Variants in CEP63 observed in about 807,000 individuals in gnomAD.
CEP63 encodes centrosomal protein of 63 kDa.
A neutral mutation model predicts 89.1 loss-of-function variants in CEP63; 84 were observed. That is an observed-to-expected ratio of 0.94 (90% CI 0.79 to 1.13). CEP63 has a LOEUF of 1.13. CEP63 is among the 50% of genes most tolerant of loss of function. The pLI, the probability that CEP63 is intolerant of heterozygous loss-of-function variation, is 0.00. For synonymous variants in CEP63, 267 were observed against 272.5 expected (o/e 0.98, Z 0.20); for missense variants, 838 against 813.3 (o/e 1.03, Z -0.37).
the CEP63 span, among the ~76,000 whole-genome samples, chr3:134,704,407 G>A: frequency 6.6e-6 from 1 of 151,972 alleles, no homozygotes. Context: ...AGTAGGGGAG[G>A]GAAAGAGGGA....
At chr3:134,599,282 T>C in the CEP63 span, among the ~76,000 whole-genome samples, 1 of 152,218 alleles carries the variant, frequency 6.6e-6, no homozygotes. Context: ...CCTCTTAATA[T>C]GCTGCCGGGT....
chr3:134,568,126 C>T (rs1022850499), downstream of CEP63, among the ~76,000 whole-genome samples: 1 of 152,126 alleles, frequency 6.6e-6, no homozygotes, highest in Non-Finnish European at 1.5e-5. Flanking sequence ...AGTGGCTATC[C>T]CTTTGACAGG....
chr3:134,761,751 C>T, the CEP63 span, among the ~76,000 whole-genome samples: 1 of 151,994 alleles, frequency 6.6e-6, no homozygotes, highest in South Asian at 2.1e-4. Context: ...CTCTCTCTCT[C>T]CCCCCTGAAT....
At chr3:134,620,622 G>A in the CEP63 span, 1 of 670,806 alleles carries the variant, frequency 1.5e-6, no homozygotes, top group South Asian at 1.8e-5. Context: ...CATCAGTCCA[G>A]TCTTCTGGGT....
the CEP63 span, among the ~76,000 whole-genome samples, chr3:134,711,193 G>A: frequency 6.6e-6 from 1 of 152,142 alleles, no homozygotes; most frequent in Non-Finnish European, 1.5e-5. Context: ...ACAGATTACT[G>A]TTCTACAGTT....
chr3:134,595,642 A>G, the CEP63 span, among the ~76,000 whole-genome samples: 19 of 152,260 alleles, frequency 1.2e-4, 1 homozygote, highest in African/African-American at 4.6e-4. Flanking sequence ...CTAAACATCT[A>G]GAGTGCTGGT....
chr3:134,690,007 T>A, the CEP63 span, among the ~76,000 whole-genome samples: 1 of 152,202 alleles, frequency 6.6e-6, no homozygotes, highest in African/African-American at 2.4e-5. Flanking sequence ...TTATTTACAA[T>A]TTATAAACTG....
chr3:134,517,728 C>T, intron 3 of CEP63, among the ~76,000 whole-genome samples: 1 of 152,068 alleles, frequency 6.6e-6, no homozygotes, highest in East Asian at 1.9e-4. Context: ...GTGAGGAAAT[C>T]ACAATGGAAA....
chr3:134,629,801 T>G, the CEP63 span: 7 of 715,402 alleles, frequency 9.8e-6, no homozygotes, highest in African/African-American at 3.6e-5. Context: ...TAGAACTTTC[T>G]TTTGTGTGTA....
the CEP63 span, among the ~76,000 whole-genome samples, chr3:134,656,997 T>C: frequency 1.3e-5 from 2 of 152,316 alleles, no homozygotes; most frequent in African/African-American, 4.8e-5. Flanking sequence ...GACTACAACA[T>C]AGAGTATAAT....
the CEP63 span, among the ~76,000 whole-genome samples, chr3:134,644,959 G>A: frequency 1.3e-5 from 2 of 152,252 alleles, no homozygotes; most frequent in Admixed American, 6.5e-5. Flanking sequence ...GCGAGGAAAG[G>A]GAGGCCAGGA....
the CEP63 span, among the ~76,000 whole-genome samples, chr3:134,681,232 T>C: frequency 6.6e-6 from 1 of 152,148 alleles, no homozygotes; most frequent in African/African-American, 2.4e-5. Context: ...GGTGGGAACA[T>C]GTCACTTTAC....
chr3:134,740,679 C>T, the CEP63 span, among the ~76,000 whole-genome samples: 3 of 152,130 alleles, frequency 2.0e-5, no homozygotes, highest in African/African-American at 7.2e-5. Context: ...CTGAACATTC[C>T]CTGGGAGCTC....
At position 134,561,397 on chromosome 3, in the gene CEP63, C is replaced by G; in HGVS notation, c.1974C>G (p.Pro658=). ...TCCAGTGTTCCTTGCCTGTATCTCC[C>G]CTTGGTTCAATAGCTACCAGATTTT... The part of the protein sequence containing the change: ...FISSCSLPVS[P]LGSIATRFLE... Residue 658 remains proline, a synonymous_variant, in exon 15 of 15, where the codon CCC becomes CCG. Transcript: ENST00000675561. 3.1e-6 allele frequency: 5 copies of G among 1,613,936 alleles called. No individual in the cohort carries two copies. The highest frequency in any genetic ancestry group is 4.2e-6 in the Non-Finnish European group (5 of 1,179,906).
At chr3:134,647,249 A>G in the CEP63 span, among the ~76,000 whole-genome samples, 26 of 152,284 alleles carry the variant, frequency 1.7e-4, no homozygotes, top group African/African-American at 6.0e-4. Context: ...AGAGCAGGGG[A>G]CCTGACTCCA....
chr3:134,740,224 T>G, the CEP63 span, among the ~76,000 whole-genome samples: 1 of 152,130 alleles, frequency 6.6e-6, no homozygotes, highest in Non-Finnish European at 1.5e-5. Flanking sequence ...CTTCAGTCAT[T>G]GCATTTTGGG....
At chr3:134,710,024 T>C in the CEP63 span, among the ~76,000 whole-genome samples, 1 of 152,212 alleles carries the variant, frequency 6.6e-6, no homozygotes, top group Admixed American at 6.5e-5. Context: ...GCAGTGGCAA[T>C]GTGGAAACTG....
chr3:134,640,257 G>A, the CEP63 span, among the ~76,000 whole-genome samples: 1 of 152,214 alleles, frequency 6.6e-6, no homozygotes, highest in Non-Finnish European at 1.5e-5. Flanking sequence ...AACACCACCA[G>A]ATTGGTCCCT....
chr3:134,487,582 T>C (rs1331224466), intron 1 of CEP63, among the ~76,000 whole-genome samples: 1 of 152,208 alleles, frequency 6.6e-6, no homozygotes, highest in Non-Finnish European at 1.5e-5. Context: ...AAATGTCAAC[T>C]TGACTTGAAA....
Sources: gnomAD v4.1 joint callset for allele counts (sites outside exome capture counted in the v4.1 genomes callset) on GRCh38, gnomAD v4.1.1 for gene constraint, MANE v1.5 for transcripts, NCBI Gene and HGNC (gene_info 2026-07-23, HGNC 2026-07-21) for gene names.